ERICH6: variants seen among roughly 807,000 people sequenced by gnomAD.
ERICH6 encodes the protein glutamate-rich protein 6.
Under a neutral mutation model 71.0 loss-of-function variants are expected in ERICH6, and 71 were observed. The observed-to-expected ratio is 1.00, with a 90% confidence interval of 0.83 to 1.22. The LOEUF (loss-of-function observed/expected upper bound fraction) is 1.22, where lower values mean the gene tolerates loss of function less well. Among genes scored for constraint, ERICH6 ranks in the 50% most tolerant of loss-of-function variants. The pLI, the probability that ERICH6 is intolerant of heterozygous loss-of-function variation, is 0.00. For synonymous variants in ERICH6, 262 were observed against 278.4 expected (o/e 0.94, Z 0.59); for missense variants, 808 against 797.2 (o/e 1.01, Z -0.16).
chr3:150,697,681 T>C (rs1712702879), intron 3 of ERICH6, among the ~76,000 whole-genome samples: 1 of 152,214 alleles, frequency 6.6e-6, no homozygotes, highest in Non-Finnish European at 1.5e-5. Flanking sequence ...CCTTAGTTTC[T>C]TCCTCATGTC....
At chr3:150,700,103 C>G (rs1029508219) in intron 2 of ERICH6, among the ~76,000 whole-genome samples, 1 of 151,650 alleles carries the variant, frequency 6.6e-6, no homozygotes, top group African/African-American at 2.4e-5. Flanking sequence ...GAGATGGAGT[C>G]CCGCTCTGTT....
chr3:150,701,854 T>TAA (rs1327883332), intron 2 of ERICH6, among the ~76,000 whole-genome samples: 1 of 152,190 alleles, frequency 6.6e-6, no homozygotes, highest in Non-Finnish European at 1.5e-5. Flanking sequence ...CTCAAGCACT[T>TAA]ACAATTGCAC....
intron 6 of ERICH6, among the ~76,000 whole-genome samples, chr3:150,682,992 T>C (rs1387171274): frequency 6.6e-6 from 1 of 152,114 alleles, no homozygotes; most frequent in Non-Finnish European, 1.5e-5. Flanking sequence ...ATGTCTGTGA[T>C]TGCACAGGCT....
Position 150,666,615 on chromosome 3 carries a change from CCACCTCAAT to C in ERICH6, c.1728+163_1728+171del, listed in dbSNP as rs1727423268. Reference sequence around the variant, plus strand: ...AATTTCAGAGTAAGAAACAGTAAAGCCACCTCAATTCCATATGAAGCTTTCATTACATGT... The same window carrying C: ...AATTTCAGAGTAAGAAACAGTAAAGCTCCATATGAAGCTTTCATTACATGT... On this transcript the variant is annotated intron_variant, in intron 13 of 13. Coordinates refer to ENST00000295910, the MANE Select transcript of ERICH6 (RefSeq NM_152394.5). Among the ~76,000 whole-genome samples, 3 of 152,166 alleles carry C rather than the reference CCACCTCAAT, an allele frequency of 2.0e-5. No homozygotes were observed. The South Asian group carries it at 6.2e-4, about 31-fold the overall frequency.
At position 150,673,939 on chromosome 3, in the gene ERICH6, T is replaced by C; in HGVS notation, c.1343+17A>G. ...AAGTAATAAAGCTAATAAAAATAAC[T>C]TGTTGAAAGAGGATACAATATTTGT... On this transcript the variant is annotated intron_variant, in intron 11 of 13. Coordinates refer to ENST00000295910, the MANE Select transcript of ERICH6 (RefSeq NM_152394.5). 3 of 1,608,480 alleles carry C rather than the reference T, an allele frequency of 1.9e-6. No homozygotes were observed. Among genetic ancestry groups the C allele is most frequent in the South Asian group, 2.2e-5 (2 of 90,136 alleles).
chr3:150,681,975 C>T lies in ERICH6; in HGVS notation c.882+243G>A, dbSNP rs576591061. The stretch of plus-strand genomic sequence containing the variant: ...GACTACAGGTGCACACCGCCATGCC[C>T]GGCTAATTTTTTGTATTTTAGTAGA... On this transcript the variant is annotated intron_variant, in intron 7 of 13. Transcript: ENST00000295910. Among the ~76,000 whole-genome samples, 14 of 151,984 alleles carry T rather than the reference C, an allele frequency of 9.2e-5. No homozygotes were observed. In the South Asian group the frequency reaches 1.5e-3, roughly 16 times the overall value.
intron 10 of ERICH6, among the ~76,000 whole-genome samples, chr3:150,675,472 C>T (rs1053932312): frequency 1.3e-5 from 2 of 152,118 alleles, no homozygotes; most frequent in African/African-American, 4.8e-5. Flanking sequence ...CCTCAGCCTC[C>T]TGAGTAGCTG....
intron 13 of ERICH6, among the ~76,000 whole-genome samples, chr3:150,665,987 A>C (rs1432359616): frequency 2.6e-5 from 4 of 152,146 alleles, no homozygotes; most frequent in Non-Finnish European, 2.9e-5. Context: ...AGTGCCAAGT[A>C]CCACCCTTAG....
intron 3 of ERICH6, among the ~76,000 whole-genome samples, chr3:150,698,057 C>T (rs1049400841): frequency 2.6e-5 from 4 of 152,154 alleles, no homozygotes; most frequent in Non-Finnish European, 4.4e-5. Context: ...TTTCTCTGGG[C>T]ACCCTGTGTA....
At chr3:150,693,468 C>G (rs1261499051) in intron 3 of ERICH6, among the ~76,000 whole-genome samples, 1 of 152,158 alleles carries the variant, frequency 6.6e-6, no homozygotes, top group African/African-American at 2.4e-5. Flanking sequence ...CAACTTTTAT[C>G]TTGGAACTTC....
Position 150,686,337 on chromosome 3 carries a change from C to G in ERICH6, c.571G>C (p.Glu191Gln). The change falls in exon 4 of 14, where the codon GAG (glutamate) becomes CAG (glutamine). Residue 191 changes from glutamate (E) to glutamine (Q), a missense_variant. By Grantham distance (29) the Glu-to-Gln change is conservative (BLOSUM62 2). Transcript: ENST00000295910. ...GCCAGACATTCAGGTTCAGCTTTCT[C>G]TTTAGAGGCTTTCTTCCCTGTGAAA... is the stretch of plus-strand genomic sequence containing the variant. ...KVQSRKKASK[E>Q]KAEPECLASK... The G allele has an allele frequency of 1.2e-6, 2 of 1,614,160 alleles. No homozygotes were observed. The highest frequency in any genetic ancestry group is 1.7e-6 in the Non-Finnish European group (2 of 1,180,018).
Position 150,703,740 on chromosome 3 carries a change from CTCCTCCTCCTCCTCCACCTCT to C in ERICH6, c.138_158del (p.Glu49_Val55del). The C allele has an allele frequency of 7.7e-4, 1,064 of 1,390,676 alleles. 4 individuals carry two copies. The African/African-American group carries it at 9.3e-3, about 12-fold the overall frequency. 86.1% of individuals were successfully genotyped at this position (1,390,676 alleles called of 1,614,324 possible). A position where few individuals can be genotyped will look rare whatever the true frequency, so the allele number is the denominator to read the frequency against. ...CCACCAACTCCTCCTCCACCACCTCCTCCTCCTCCTCCTCCACCTCTTCCTCCTCCTCCTCCACCTCTTCCT... is the reference window on the plus strand; with the variant it reads ...CCACCAACTCCTCCTCCACCACCTCCTCCTCCTCCTCCTCCACCTCTTCCT... On this transcript the variant is annotated inframe_deletion, in exon 1 of 14. Coordinates refer to ENST00000295910, the MANE Select transcript of ERICH6 (RefSeq NM_152394.5).
At chr3:150,669,261 C>A in intron 12 of ERICH6, 35 bp downstream of exon 12, 2 of 1,547,992 alleles carry the variant, frequency 1.3e-6, no homozygotes, top group South Asian at 1.2e-5. Flanking sequence ...GAACAAAAGC[C>A]ACAAAATGGC....
chr3:150,679,929 A>G (rs895914091), intron 9 of ERICH6, among the ~76,000 whole-genome samples: 8 of 152,234 alleles, frequency 5.3e-5, no homozygotes, highest in African/African-American at 1.7e-4. Flanking sequence ...AAGTGCTGGG[A>G]TCACAGGCGT....
chr3:150,685,309 G>A (rs1712135637), intron 6 of ERICH6, among the ~76,000 whole-genome samples: 1 of 152,180 alleles, frequency 6.6e-6, no homozygotes, highest in Admixed American at 6.5e-5. Context: ...ACTGGACTTG[G>A]TGTCCTTAGA....
chr3:150,680,580 T>A, intron 8 of ERICH6, 42 bp from the exon 9 acceptor site: 1 of 1,610,310 alleles, frequency 6.2e-7, no homozygotes, highest in Non-Finnish European at 8.5e-7. Context: ...TGAAATGTGG[T>A]TGAAGCTTAA....
intron 3 of ERICH6, among the ~76,000 whole-genome samples, chr3:150,688,513 A>T (rs1712289892): frequency 1.3e-5 from 2 of 152,204 alleles, no homozygotes. Flanking sequence ...AAAATGCCTT[A>T]AACTGGGTAG....
chr3:150,670,330 A>G (rs1200514337), intron 11 of ERICH6, among the ~76,000 whole-genome samples: 1 of 151,990 alleles, frequency 6.6e-6, no homozygotes, highest in Admixed American at 6.6e-5. Context: ...TAAAATTACA[A>G]AAATAGCCAG....
intron 9 of ERICH6, among the ~76,000 whole-genome samples, chr3:150,678,811 C>T (rs184572359): frequency 5.9e-5 from 9 of 152,030 alleles, no homozygotes; most frequent in East Asian, 1.9e-4. Flanking sequence ...GAGGTCGAGG[C>T]GGGTGGATTA....
Sources: gnomAD v4.1 joint callset for allele counts (sites outside exome capture counted in the v4.1 genomes callset) on GRCh38, gnomAD v4.1.1 for gene constraint, MANE v1.5 for transcripts, NCBI Gene and HGNC (gene_info 2026-07-23, HGNC 2026-07-21) for gene names.